Variants in STK24 observed in about 807,000 individuals in gnomAD.
The protein encoded by STK24 is serine/threonine kinase 24.
STK24 carries 21 observed loss-of-function variants against 55.6 expected under a neutral mutation model. That is an observed-to-expected ratio of 0.38 (90% CI 0.27 to 0.54). The LOEUF (loss-of-function observed/expected upper bound fraction) is 0.54, where lower values mean the gene tolerates loss of function less well. Among genes scored for constraint, STK24 ranks in the 20% least tolerant of loss-of-function variants. The pLI, the probability that STK24 is intolerant of heterozygous loss-of-function variation, is 0.79. For missense variants in STK24, 383 were observed against 538.4 expected, an observed-to-expected ratio of 0.71 and a Z score of 2.86; for synonymous variants, 200 against 215.2, an observed-to-expected ratio of 0.93 and a Z score of 0.62.
intron 3 of STK24, among the ~76,000 whole-genome samples, chr13:98,479,326 C>A (rs549560987): frequency 1.3e-5 from 2 of 152,294 alleles, no homozygotes; most frequent in South Asian, 4.1e-4. Context: ...AGCACACACT[C>A]AAATATGTGC....
At chr13:98,538,585 C>A (rs1164192859) in intron 1 of STK24, among the ~76,000 whole-genome samples, 2 of 152,186 alleles carry the variant, frequency 1.3e-5, no homozygotes, top group Non-Finnish European at 2.9e-5. Flanking sequence ...ATCTTCTGCT[C>A]CAAGGGGAGT....
chr13:98,478,286 C>G lies in STK24; in HGVS notation c.331-2928G>C, dbSNP rs375957246. Among the ~76,000 whole-genome samples the G allele has an allele frequency of 4.5e-4, 68 of 152,374 alleles. 2 individuals are homozygous for G. Among genetic ancestry groups the G allele is most frequent in the African/African-American group, 1.6e-3 (66 of 41,586 alleles). ...TCTAACTCCCCCTCCCCGAGCCTGTCCTCCCCTGCTTCGAAGCTCTGTAAC... is the reference window on the plus strand; with the variant it reads ...TCTAACTCCCCCTCCCCGAGCCTGTGCTCCCCTGCTTCGAAGCTCTGTAAC... On this transcript the variant is annotated intron_variant, in intron 3 of 10. Transcript: ENST00000539966.
Position 98,460,437 on chromosome 13 carries a change from T to C in STK24, c.1057A>G (p.Lys353Glu). 6.2e-7 allele frequency: 1 copy of C among 1,613,106 alleles called. No individual in the cohort carries two copies. Among genetic ancestry groups the C allele is most frequent in the Non-Finnish European group, 8.5e-7 (1 of 1,179,254 alleles). ...GAGAAAGGCCTCTTCGGGATGTCTT[T>C]CATCTTGGGGGAGAGGGAAAAAAAG... is the stretch of plus-strand genomic sequence containing the variant. ...QPSDLDRNKMKDIPKRPFSQC... is the reference protein window; with the variant it reads ...QPSDLDRNKMEDIPKRPFSQC... Residue 353 changes from lysine to glutamate, a missense_variant, in exon 9 of 11, where the codon AAA becomes GAA. By Grantham distance (56) the Lys-to-Glu change is moderately conservative (BLOSUM62 1). Transcript: ENST00000539966.
Position 98,483,204 on chromosome 13 carries a change from C to T in STK24, c.274-883G>A, listed in dbSNP as rs186085409. Among the ~76,000 whole-genome samples, 523 of 152,366 alleles carry T rather than the reference C, an allele frequency of 3.4e-3. 3 individuals carry two copies. The highest frequency in any genetic ancestry group is 0.012 in the African/African-American group (495 of 41,592). ...CGACTCCCACTTCACGACCTAGGGG[C>T]CCGGGCAGCTGTCTCCTGAGCTTCT... On this transcript the variant is annotated intron_variant, in intron 2 of 10. Transcript: ENST00000539966.
intron 2 of STK24, among the ~76,000 whole-genome samples, chr13:98,501,740 C>T (rs1438601374): frequency 1.3e-5 from 2 of 152,056 alleles, no homozygotes; most frequent in African/African-American, 2.4e-5. Context: ...CTGACACTGG[C>T]CAATCCTCAT....
rs1379128599 is a variant in STK24, at chr13:98,461,786, C to T, written c.1041G>A (p.Leu347=). The T allele has an allele frequency of 6.2e-7, 1 of 1,613,960 alleles. No homozygotes were observed. The highest frequency in any genetic ancestry group is 8.5e-7 in the Non-Finnish European group (1 of 1,179,950). ...LENGALQPSD[L]DRNKMKDIPK... Reference sequence around the variant, plus strand: ...TGAGCAGACGTACCTTATTTCTGTCCAAGTCCGATGGCTGAAGAGCTCCAT... The same window carrying T: ...TGAGCAGACGTACCTTATTTCTGTCTAAGTCCGATGGCTGAAGAGCTCCAT... The change falls in exon 8 of 11, where the codon TTG becomes TTA. Residue 347 remains leucine, a synonymous_variant. Coordinates refer to ENST00000539966, the MANE Select transcript of STK24 (RefSeq NM_001032296.4).
chr13:98,572,703 C>T (rs1452280282), intron 1 of STK24, among the ~76,000 whole-genome samples: 3 of 152,110 alleles, frequency 2.0e-5, no homozygotes, highest in Admixed American at 1.3e-4. Flanking sequence ...ACGAGGGGGA[C>T]AGGATGATGT....
At chr13:98,535,181 T>C (rs1340184707) in intron 1 of STK24, among the ~76,000 whole-genome samples, 1 of 151,936 alleles carries the variant, frequency 6.6e-6, no homozygotes, top group Non-Finnish European at 1.5e-5. Flanking sequence ...TTACTAAAAA[T>C]ACAAAATTAG....
At chr13:98,473,216 T>C (rs1043774825) in intron 5 of STK24, among the ~76,000 whole-genome samples, 1 of 18,218 alleles carries the variant, frequency 5.5e-5, no homozygotes, top group African/African-American at 2.3e-4. Context: ...AGAATCAATA[T>C]GAAATAAATA....
intron 2 of STK24, among the ~76,000 whole-genome samples, chr13:98,504,050 T>C (rs1338264543): frequency 1.3e-5 from 2 of 152,194 alleles, no homozygotes; most frequent in Admixed American, 6.5e-5. Context: ...CACATTTGGG[T>C]TAAAATCGAC....
At position 98,448,151 on chromosome 13, in the gene STK24, C is replaced by A; in HGVS notation, c.*5022G>T. On this transcript the variant is annotated 3_prime_UTR_variant, in exon 11 of 11. Coordinates refer to ENST00000539966, the MANE Select transcript of STK24 (RefSeq NM_001032296.4). Reference sequence around the variant, plus strand: ...TACCAACCAGGCGGCCTGACTTCACCTTGTGTTTCTGTAAGCGATGCCCAC... The same window carrying A: ...TACCAACCAGGCGGCCTGACTTCACATTGTGTTTCTGTAAGCGATGCCCAC... 1.7e-6 allele frequency: 2 copies of A among 1,190,072 alleles called. No homozygotes were observed. Among genetic ancestry groups the A allele is most frequent in the Non-Finnish European group, 2.5e-6 (2 of 796,276 alleles). The allele number at this position is 1,190,072 out of a possible 1,614,324, so 73.7% of individuals were successfully genotyped here.
At chr13:98,572,193 A>G (rs1897761000) in intron 1 of STK24, among the ~76,000 whole-genome samples, 1 of 152,154 alleles carries the variant, frequency 6.6e-6, no homozygotes, top group South Asian at 2.1e-4. Context: ...GACAGGATGG[A>G]CTGAGGCTCT....
intron 1 of STK24, among the ~76,000 whole-genome samples, chr13:98,550,708 C>T (rs902233727): frequency 1.3e-5 from 2 of 151,958 alleles, no homozygotes; most frequent in African/African-American, 4.8e-5. Context: ...AAGCCTAAAG[C>T]TCTGGGCTCA....
intron 2 of STK24, among the ~76,000 whole-genome samples, chr13:98,488,627 C>T (rs1456423988): frequency 6.6e-6 from 1 of 151,924 alleles, no homozygotes; most frequent in African/African-American, 2.4e-5. Flanking sequence ...GTAATTTTTG[C>T]TTACAGAAAT....
intron 1 of STK24, among the ~76,000 whole-genome samples, chr13:98,546,969 T>C (rs955268768): frequency 1.2e-4 from 19 of 152,172 alleles, no homozygotes; most frequent in African/African-American, 4.6e-4. Context: ...TGGAGTGCAA[T>C]GGCACCATCT....
chr13:98,466,754 G>A (rs1354781504), intron 5 of STK24, among the ~76,000 whole-genome samples, 193 bp from the exon 6 acceptor site: 1 of 152,210 alleles, frequency 6.6e-6, no homozygotes, highest in Non-Finnish European at 1.5e-5. Context: ...TATGCCAAAT[G>A]TTTTCTGCCT....
At chr13:98,574,611 T>G (rs1897832747) in intron 1 of STK24, among the ~76,000 whole-genome samples, 1 of 152,220 alleles carries the variant, frequency 6.6e-6, no homozygotes, top group Admixed American at 6.5e-5. Flanking sequence ...TAGATGTACT[T>G]AGGTACAGGA....
intron 1 of STK24, among the ~76,000 whole-genome samples, chr13:98,523,049 C>T (rs2011726149): frequency 6.6e-6 from 1 of 152,186 alleles, no homozygotes; most frequent in African/African-American, 2.4e-5. Flanking sequence ...GGCCACAGAG[C>T]CCCATCCTAC....
intron 5 of STK24, among the ~76,000 whole-genome samples, chr13:98,474,180 G>C (rs1894273735): frequency 6.6e-6 from 1 of 152,146 alleles, no homozygotes; most frequent in Non-Finnish European, 1.5e-5. Flanking sequence ...CAGAGAAAAA[G>C]AATATGAGAA....
Sources: gnomAD v4.1 joint callset for allele counts (sites outside exome capture counted in the v4.1 genomes callset) on GRCh38, gnomAD v4.1.1 for gene constraint, MANE v1.5 for transcripts, NCBI Gene and HGNC (gene_info 2026-07-23, HGNC 2026-07-21) for gene names.